CNTN2: variants seen among roughly 807,000 people sequenced by gnomAD.
CNTN2 encodes the protein contactin 2.
A neutral mutation model predicts 117.5 loss-of-function variants in CNTN2; 53 were observed. The ratio of observed to expected loss-of-function variants is 0.45; its 90% CI spans 0.36 to 0.57. The LOEUF is 0.57. Ranked by LOEUF, CNTN2 falls within the 20% of genes least tolerant of loss-of-function variation. CNTN2 has a pLI of 0.00. For missense variants in CNTN2, 1,106 were observed against 1,404.3 expected (o/e 0.79, Z 3.39); for synonymous variants, 530 against 561.7 (o/e 0.94, Z 0.80).
intron 9 of CNTN2, 95 bp downstream of exon 9, chr1:205,062,096 C>A: frequency 6.8e-7 from 1 of 1,469,246 alleles, no homozygotes; most frequent in Non-Finnish European, 9.2e-7. Flanking sequence ...CCACTAGTAG[C>A]CCCTCTGGGC....
intron 16 of CNTN2, chr1:205,067,926 TCAAAAAAAAA>T (rs1434373513): frequency 5.3e-5 from 1 of 18,904 alleles, no homozygotes; most frequent in African/African-American, 2.6e-4. Flanking sequence ...AGACTCCATC[TCAAAAAAAAA>T]AAAAAAAAAA....
chr1:205,061,165 G>A lies in CNTN2; in HGVS notation c.798-80G>A. On this transcript the variant is annotated intron_variant, in intron 7 of 22. Transcript: ENST00000331830. The surrounding 1 kb of genome is among the most constrained non-coding windows in gnomAD (Gnocchi z 4.8). ...CCCAGCATCTCAGGAGGGCCTGAGA[G>A]TCTGGGTATGAGGAGCTGCGGGCAC... 7 of 1,458,110 alleles carry A rather than the reference G, an allele frequency of 4.8e-6. No homozygotes were observed. In the South Asian group the frequency reaches 7.9e-5, roughly 16 times the overall value. The allele number at this position is 1,458,110 out of a possible 1,614,324, so 90.3% of individuals were successfully genotyped here.
chr1:205,074,098 G>A lies in CNTN2; in HGVS notation c.*333G>A. 1.8e-6 allele frequency: 1 copy of A among 557,616 alleles called. No homozygotes were observed. Among genetic ancestry groups the A allele is most frequent in the Non-Finnish European group, 3.2e-6 (1 of 315,212 alleles). 34.5% of individuals were successfully genotyped at this position (557,616 alleles called of 1,614,324 possible). ...AAAAACATGTCTTCAACTCAGCAGA[G>A]ATGGCCCTCTGGGACCCTATACGGA... On this transcript the variant is annotated 3_prime_UTR_variant, in exon 23 of 23. Transcript: ENST00000331830.
In CNTN2 at chr1:205,048,910, CGTGTGTGTGTGTGTGTGTGT is replaced by C. The variant is rs4017875; in HGVS notation, c.-86-4159_-86-4140del. ...GCTCCAGCCTTTAGCCCAGACTCTG[CGTGTGTGTGTGTGTGTGTGT>C]GTGTGTGTGTGTGTGTGTGTGTGTG... On this transcript the variant is annotated intron_variant, in intron 1 of 22. Coordinates refer to ENST00000331830, the MANE Select transcript of CNTN2 (RefSeq NM_005076.5). The surrounding 1 kb of genome is among the most constrained non-coding windows in gnomAD (Gnocchi z 4.1). Among the ~76,000 whole-genome samples, 46 of 127,880 alleles carry C rather than the reference CGTGTGTGTGTGTGTGTGTGT, an allele frequency of 3.6e-4. 1 individual carries two copies. The highest frequency in any genetic ancestry group is 1.2e-3 in the African/African-American group (42 of 33,746). The allele number at this position is 127,880 out of a possible 152,430, so 83.9% of individuals were successfully genotyped here.
chr1:205,049,015 G>A (rs2096447261), intron 1 of CNTN2, among the ~76,000 whole-genome samples: 1 of 151,312 alleles, frequency 6.6e-6, no homozygotes, highest in South Asian at 2.1e-4. Flanking sequence ...TCAGGCTGAT[G>A]GGTCTGTGGT....
At chr1:205,044,056 C>T (rs2096436780) in intron 1 of CNTN2, among the ~76,000 whole-genome samples, 1 of 152,160 alleles carries the variant, frequency 6.6e-6, no homozygotes, top group African/African-American at 2.4e-5. Flanking sequence ...CTTTCCTTCC[C>T]TTCCCCCTCC....
Position 205,058,100 on chromosome 1 carries a change from G to A in CNTN2, c.215+35G>A, listed in dbSNP as rs1653749498. The stretch of plus-strand genomic sequence containing the variant: ...CTGCAGTGGGTGCTGGGAGGCCCTG[G>A]GCAGCCGTTGAACTTTCCCTCTCAT... On this transcript the variant is annotated intron_variant, in intron 3 of 22. Transcript: ENST00000331830. This position sits in a 1 kb window ranked among gnomAD's most constrained non-coding sequence, Gnocchi z 4.3. 3 of 1,606,744 alleles carry A rather than the reference G, an allele frequency of 1.9e-6. No individual in the cohort carries two copies. The highest frequency in any genetic ancestry group is 1.7e-6 in the Non-Finnish European group (2 of 1,176,778).
At chr1:205,045,149 T>C (rs778556392) in intron 1 of CNTN2, among the ~76,000 whole-genome samples, 1 of 152,166 alleles carries the variant, frequency 6.6e-6, no homozygotes, top group Non-Finnish European at 1.5e-5. Context: ...ACACTCCTTA[T>C]GCAGATGAGT....
rs773716491 is a variant in CNTN2, at chr1:205,072,436, T to A, written c.2732-47T>A. The A allele has an allele frequency of 3.3e-6, 5 of 1,520,904 alleles. No homozygotes were observed. The Admixed American group carries it at 6.7e-5, about 20-fold the overall frequency. The allele number at this position is 1,520,904 out of a possible 1,614,324, so 94.2% of individuals were successfully genotyped here. A position where few individuals can be genotyped will look rare whatever the true frequency, so the allele number is the denominator to read the frequency against. On this transcript the variant is annotated intron_variant, in intron 20 of 22. Coordinates refer to ENST00000331830, the MANE Select transcript of CNTN2 (RefSeq NM_005076.5). ...TGGTTAAAGGTGAGGGGGTGCGGGG[T>A]GCCAGGGAAACGTTTGGACATCTCT...
At position 205,075,298 on chromosome 1, in the gene CNTN2, G is replaced by A. The variant is rs752689564; in HGVS notation, c.*1533G>A. On this transcript the variant is annotated 3_prime_UTR_variant, in exon 23 of 23. Coordinates refer to ENST00000331830, the MANE Select transcript of CNTN2 (RefSeq NM_005076.5). ...GCATGGCTGGGTTCCCGTCCAAGGT[G>A]TGGGCAGAGCTTCTACCAAACTTCA... is the stretch of plus-strand genomic sequence containing the variant. The A allele has an allele frequency of 1.3e-5, 2 of 159,910 alleles. No homozygotes were observed. Among genetic ancestry groups the A allele is most frequent in the African/African-American group, 2.4e-5 (1 of 41,770 alleles). The allele number at this position is 159,910 out of a possible 1,614,324, so 9.9% of individuals were successfully genotyped here. A position where few individuals can be genotyped will look rare whatever the true frequency, so the allele number is the denominator to read the frequency against.
chr1:205,062,264 G>A, intron 9 of CNTN2, 176 bp from the exon 10 acceptor site: 1 of 949,414 alleles, frequency 1.1e-6, no homozygotes, highest in East Asian at 2.7e-5. Context: ...CTTTGGGGAG[G>A]CCTGGGTAAT....
chr1:205,057,757 C>G, intron 2 of CNTN2, 164 bp from the exon 3 acceptor site: 1 of 629,756 alleles, frequency 1.6e-6, no homozygotes, highest in Non-Finnish European at 2.7e-6. Context: ...AGCCACATGT[C>G]AAGTGCTCGA....
At position 205,058,424 on chromosome 1, in the gene CNTN2, A is replaced by C. The variant is rs1200954605; in HGVS notation, c.391+68A>C. 2.0e-6 allele frequency: 3 copies of C among 1,527,632 alleles called. No homozygotes were observed. In the African/African-American group the frequency reaches 4.1e-5, roughly 21 times the overall value. 94.6% of individuals were successfully genotyped at this position (1,527,632 alleles called of 1,614,324 possible). A position where few individuals can be genotyped will look rare whatever the true frequency, so the allele number is the denominator to read the frequency against. On this transcript the variant is annotated intron_variant, in intron 4 of 22. Coordinates refer to ENST00000331830, the MANE Select transcript of CNTN2 (RefSeq NM_005076.5). This position sits in a 1 kb window ranked among gnomAD's most constrained non-coding sequence, Gnocchi z 4.3. ...AGGGGGCTAGGAGAAATTACTGAGAAAGGATAAGGGACACCCTCAAGCCGG... is the reference window on the plus strand; with the variant it reads ...AGGGGGCTAGGAGAAATTACTGAGACAGGATAAGGGACACCCTCAAGCCGG...
At position 205,077,430 on chromosome 1, in the gene CNTN2, C is replaced by T. The variant is rs564546788; in HGVS notation, c.*3665C>T. ...GGCTCATTGGTGGGAGACACAGTATCCTCAAACCTGTGGCCACTGGCATGA... is the reference window on the plus strand; with the variant it reads ...GGCTCATTGGTGGGAGACACAGTATTCTCAAACCTGTGGCCACTGGCATGA... On this transcript the variant is annotated 3_prime_UTR_variant, in exon 23 of 23. Transcript: ENST00000331830. 6.6e-6 allele frequency: 1 copy of T among 152,380 alleles called. No homozygotes were observed. Among genetic ancestry groups the T allele is most frequent in the South Asian group, 2.1e-4 (1 of 4,830 alleles). The allele number at this position is 152,380 out of a possible 1,614,324, so 9.4% of individuals were successfully genotyped here. A position where few individuals can be genotyped will look rare whatever the true frequency, so the allele number is the denominator to read the frequency against.
intron 2 of CNTN2, chr1:205,057,248 A>G (rs544454290): frequency 2.0e-5 from 3 of 152,372 alleles, no homozygotes; most frequent in South Asian, 2.1e-4. Context: ...TAACTTTCCC[A>G]AGGTCCCACA....
In CNTN2 at chr1:205,073,490, C is replaced by T. The variant is rs892433241; in HGVS notation, c.3014-166C>T. On this transcript the variant is annotated intron_variant, in intron 22 of 22. Coordinates refer to ENST00000331830, the MANE Select transcript of CNTN2 (RefSeq NM_005076.5). This position sits in a 1 kb window ranked among gnomAD's most constrained non-coding sequence, Gnocchi z 6.3. ...CTGAGGACCAACCAGCAATAGCAAA[C>T]GGCCTACAAAGCACCGTAGGAGTCG... is the stretch of plus-strand genomic sequence containing the variant. 26 of 724,708 alleles carry T rather than the reference C, an allele frequency of 3.6e-5. No individual in the cohort carries two copies. Among genetic ancestry groups the T allele is most frequent in the South Asian group, 1.2e-4 (7 of 56,548 alleles). The allele number at this position is 724,708 out of a possible 1,614,324, so 44.9% of individuals were successfully genotyped here. A position where few individuals can be genotyped will look rare whatever the true frequency, so the allele number is the denominator to read the frequency against.
chr1:205,064,240 C>A, intron 10 of CNTN2, 82 bp from the exon 11 acceptor site: 1 of 1,441,372 alleles, frequency 6.9e-7, no homozygotes, highest in Non-Finnish European at 9.3e-7. Context: ...TCACTCATGG[C>A]GTGGCTTCAA....
At position 205,061,713 on chromosome 1, in the gene CNTN2, C is replaced by T. The variant is rs1456220836; in HGVS notation, c.974-152C>T. 26 of 1,067,166 alleles carry T rather than the reference C, an allele frequency of 2.4e-5. 1 individual carries two copies. The highest frequency in any genetic ancestry group is 1.9e-4 in the South Asian group (11 of 58,478). The allele number at this position is 1,067,166 out of a possible 1,614,324, so 66.1% of individuals were successfully genotyped here. On this transcript the variant is annotated intron_variant, in intron 8 of 22. Coordinates refer to ENST00000331830, the MANE Select transcript of CNTN2 (RefSeq NM_005076.5). The surrounding 1 kb of genome is among the most constrained non-coding windows in gnomAD (Gnocchi z 4.8). Reference sequence around the variant, plus strand: ...CCAGCTTTCTTGTGCCTCCTTCTTCCGGCCCCCTCCTCTTTGTCCTCTCCA... The same window carrying T: ...CCAGCTTTCTTGTGCCTCCTTCTTCTGGCCCCCTCCTCTTTGTCCTCTCCA...
rs1242223567 is a variant in CNTN2 at position 205,065,937 on chromosome 1, C to T, written c.1816+28C>T. On this transcript the variant is annotated intron_variant, in intron 14 of 22. Coordinates refer to ENST00000331830, the MANE Select transcript of CNTN2 (RefSeq NM_005076.5). This position sits in a 1 kb window ranked among gnomAD's most constrained non-coding sequence, Gnocchi z 4.1. The stretch of plus-strand genomic sequence containing the variant: ...GAGGGGTTTCCCACCTCTACCCCTA[C>T]CCCAACTCCCTTAAAACCCAGCTGG... 5 of 1,586,042 alleles carry T rather than the reference C, an allele frequency of 3.2e-6. No homozygotes were observed.
Sources: allele counts gnomAD v4.1 joint callset (sites outside exome capture counted in the v4.1 genomes callset), GRCh38; gene constraint gnomAD v4.1.1; non-coding constraint Gnocchi (gnomAD v3.1); transcripts MANE v1.5; gene names NCBI Gene and HGNC (gene_info 2026-07-23, HGNC 2026-07-21).